MON2: variants seen among roughly 807,000 people sequenced by gnomAD.
The protein encoded by MON2 is protein MON2 homolog.
MON2 carries 84 observed loss-of-function variants against 208.6 expected under a neutral mutation model. The ratio of observed to expected loss-of-function variants is 0.40; its 90% CI spans 0.34 to 0.48. The LOEUF (loss-of-function observed/expected upper bound fraction) is 0.48, where lower values mean the gene tolerates loss of function less well. Ranked by LOEUF, MON2 falls within the 20% of genes least tolerant of loss-of-function variation. MON2 has a pLI of 0.59. For synonymous variants in MON2, 660 were observed against 694.0 expected (o/e 0.95, Z 0.77); for missense variants, 1,611 against 2,015.4 (o/e 0.80, Z 3.84).
chr12:62,509,760 A>T (rs1290284962), intron 8 of MON2, among the ~76,000 whole-genome samples: 5 of 152,198 alleles, frequency 3.3e-5, no homozygotes, highest in Non-Finnish European at 7.4e-5. Context: ...AAGAGTCTCA[A>T]ATGTATGGAA....
At position 62,562,973 on chromosome 12, in the gene MON2, A is replaced by G. The variant is rs576652141; in HGVS notation, c.4032+1860A>G. On this transcript the variant is annotated intron_variant, in intron 26 of 34. Transcript: ENST00000393630. The stretch of plus-strand genomic sequence containing the variant: ...ACATAGAGGAACTGGGAATTTAATT[A>G]TCTGCTTTCTGTATGTGCTTTACTG... Among the ~76,000 whole-genome samples, 17 of 152,280 alleles carry G rather than the reference A, an allele frequency of 1.1e-4. No homozygotes were observed. The East Asian group carries it at 3.1e-3, about 28-fold the overall frequency.
intron 32 of MON2, among the ~76,000 whole-genome samples, chr12:62,584,113 G>A (rs879848648): frequency 6.6e-6 from 1 of 152,038 alleles, no homozygotes; most frequent in Non-Finnish European, 1.5e-5. Flanking sequence ...TGTTGGCCAA[G>A]TATGAGTGTA....
At chr12:62,543,031 T>G in intron 19 of MON2, 66 bp from the exon 20 acceptor site, 1 of 835,148 alleles carries the variant, frequency 1.2e-6, no homozygotes, top group Non-Finnish European at 1.9e-6. Context: ...ATTCTCAGTT[T>G]TATTCATAGT....
chr12:62,492,101 A>C (rs569750617), intron 2 of MON2, among the ~76,000 whole-genome samples: 23 of 152,328 alleles, frequency 1.5e-4, no homozygotes, highest in African/African-American at 5.5e-4. Flanking sequence ...GTGCTAAATC[A>C]GTAATTTATG....
chr12:62,519,696 A>G (rs1457491491), intron 8 of MON2, among the ~76,000 whole-genome samples: 1 of 152,244 alleles, frequency 6.6e-6, no homozygotes, highest in Non-Finnish European at 1.5e-5. Flanking sequence ...GTTGACACAT[A>G]ACGATGAAAA....
intron 11 of MON2, among the ~76,000 whole-genome samples, chr12:62,527,454 A>G (rs914674557): frequency 6.6e-6 from 1 of 152,170 alleles, no homozygotes; most frequent in African/African-American, 2.4e-5. Context: ...TATTCAAATC[A>G]CTTAGTATTT....
intron 1 of MON2, among the ~76,000 whole-genome samples, chr12:62,483,305 G>A (rs531352134): frequency 6.6e-6 from 1 of 152,260 alleles, no homozygotes; most frequent in Admixed American, 6.5e-5. Flanking sequence ...GTGGCATTCT[G>A]TAAAATACTA....
chr12:62,519,379 A>G (rs1346079936), intron 8 of MON2, among the ~76,000 whole-genome samples: 2 of 152,202 alleles, frequency 1.3e-5, no homozygotes, highest in East Asian at 3.8e-4. Context: ...CAGAGGTATC[A>G]GGACCCAAAA....
At chr12:62,475,734 G>C (rs2069039647) in intron 1 of MON2, among the ~76,000 whole-genome samples, 1 of 147,702 alleles carries the variant, frequency 6.8e-6, no homozygotes, top group Admixed American at 6.7e-5. Flanking sequence ...CTTCAGCCGG[G>C]CACAGTGGCT....
chr12:62,469,836 A>G (rs1487202466), intron 1 of MON2, among the ~76,000 whole-genome samples: 1 of 151,952 alleles, frequency 6.6e-6, no homozygotes, highest in Admixed American at 6.6e-5. Flanking sequence ...TTTATTTCAA[A>G]TTTTTAGTCA....
At chr12:62,470,472 A>G (rs906234467) in intron 1 of MON2, among the ~76,000 whole-genome samples, 1 of 152,074 alleles carries the variant, frequency 6.6e-6, no homozygotes, top group African/African-American at 2.4e-5. Context: ...CTTAGTTGTT[A>G]TACATAAATC....
intron 25 of MON2, chr12:62,560,092 A>G (rs79920326): frequency 0.1 from 14,437 of 143,608 alleles, 795 homozygotes; most frequent in Non-Finnish European, 0.12. Context: ...GTATAAGTAC[A>G]TACATATTTT....
chr12:62,504,898 A>G (rs2071024678), intron 7 of MON2, among the ~76,000 whole-genome samples: 1 of 152,208 alleles, frequency 6.6e-6, no homozygotes, highest in Non-Finnish European at 1.5e-5. Context: ...ACGGGACCAG[A>G]CCTGGTGGAG....
intron 20 of MON2, 26 bp downstream of exon 20, chr12:62,543,224 T>A: frequency 8.1e-7 from 1 of 1,231,232 alleles, no homozygotes; most frequent in South Asian, 1.6e-5. Context: ...TAAATATATT[T>A]AATTTTTTAA....
At position 62,495,054 on chromosome 12, in the gene MON2, A is replaced by G; in HGVS notation, c.342A>G (p.Leu114=). The G allele has an allele frequency of 6.2e-7, 1 of 1,610,496 alleles. No homozygotes were observed. ...AGNIINMLWQ[L]MENSLEELKL... is the part of the protein sequence containing the mutation. The stretch of plus-strand genomic sequence containing the variant: ...ATATAATTAACATGCTTTGGCAGCT[A>G]ATGGAGAATAGTCTTGAAGAACTTA... The change falls in exon 4 of 35, where the codon CTA becomes CTG. Residue 114 remains leucine (L), a synonymous_variant. Transcript: ENST00000393630.
chr12:62,539,408 T>A (rs796888383), intron 19 of MON2, among the ~76,000 whole-genome samples: 14 of 151,624 alleles, frequency 9.2e-5, no homozygotes, highest in African/African-American at 3.1e-4. Flanking sequence ...GGACTACAGG[T>A]GCCCGCCACC....
chr12:62,568,750 T>G (rs996751471), intron 29 of MON2, among the ~76,000 whole-genome samples: 8 of 152,070 alleles, frequency 5.3e-5, no homozygotes, highest in African/African-American at 1.7e-4. Flanking sequence ...CCTCCCGGGT[T>G]CAAGCAGTTC....
intron 8 of MON2, among the ~76,000 whole-genome samples, chr12:62,519,621 T>A (rs569623617): frequency 4.6e-5 from 7 of 152,240 alleles, no homozygotes; most frequent in Non-Finnish European, 8.8e-5. Flanking sequence ...CTTGAATGTC[T>A]GGCTTAATAG....
intron 9 of MON2, 43 bp from the exon 10 acceptor site, chr12:62,525,041 T>C: frequency 6.6e-7 from 1 of 1,514,972 alleles, no homozygotes; most frequent in African/African-American, 1.4e-5. Context: ...GTTTTTAATA[T>C]ATTCAAATGT....
Sources: gnomAD v4.1 joint callset for allele counts (sites outside exome capture counted in the v4.1 genomes callset) on GRCh38, gnomAD v4.1.1 for gene constraint, MANE v1.5 for transcripts, NCBI Gene and HGNC (gene_info 2026-07-23, HGNC 2026-07-21) for gene names.